SLC39A11: variants seen among roughly 807,000 people sequenced by gnomAD.
The protein encoded by SLC39A11 is zinc transporter ZIP11.
Under a neutral mutation model 36.1 loss-of-function variants are expected in SLC39A11, and 33 were observed. That is an observed-to-expected ratio of 0.91 (90% confidence interval 0.69 to 1.22). The LOEUF (loss-of-function observed/expected upper bound fraction) is 1.22. SLC39A11 is among the 50% of genes most tolerant of loss of function. SLC39A11 has a pLI of 0.00. For synonymous variants in SLC39A11, 166 were observed against 170.3 expected, an observed-to-expected ratio of 0.97 and a Z score of 0.20; for missense variants, 432 against 430.3, an observed-to-expected ratio of 1.00 and a Z score of -0.03.
intron 7 of SLC39A11, among the ~76,000 whole-genome samples, chr17:72,708,129 G>A (rs1288631193): frequency 6.6e-6 from 1 of 152,214 alleles, no homozygotes; most frequent in African/African-American, 2.4e-5. Context: ...CAATTCTCAT[G>A]TGTGATGGTT....
intron 6 of SLC39A11, among the ~76,000 whole-genome samples, chr17:72,798,418 C>T (rs2344569): frequency 0.6 from 84,374 of 141,774 alleles, 26,714 homozygotes; most frequent in Non-Finnish European, 0.73. Context: ...TTCTTTCTTT[C>T]TTTTTTTTTT....
intron 6 of SLC39A11, among the ~76,000 whole-genome samples, chr17:72,799,510 G>A (rs946465915): frequency 6.6e-6 from 1 of 152,104 alleles, no homozygotes; most frequent in African/African-American, 2.4e-5. Flanking sequence ...GGAAGATATT[G>A]CTAAATTCTT....
At chr17:72,716,402 G>A (rs1003900633) in intron 7 of SLC39A11, among the ~76,000 whole-genome samples, 1 of 151,642 alleles carries the variant, frequency 6.6e-6, no homozygotes, top group East Asian at 1.9e-4. Flanking sequence ...GCTGAGTAAC[G>A]TGTTTCCCGT....
chr17:72,739,353 C>T (rs1247125821), intron 6 of SLC39A11, among the ~76,000 whole-genome samples: 2 of 152,152 alleles, frequency 1.3e-5, no homozygotes, highest in African/African-American at 4.8e-5. Context: ...TCTTGAACTC[C>T]TGACCTCAAG....
At chr17:72,740,056 C>CTTTT (rs386386565) in intron 6 of SLC39A11, among the ~76,000 whole-genome samples, 18,656 of 80,266 alleles carry the variant, frequency 0.23, 2,861 homozygotes, top group Non-Finnish European at 0.25. Flanking sequence ...CTTTCCTTTT[C>CTTTT]TTTTTTTTTT....
At chr17:73,045,384 G>GT (rs1433068987) in intron 3 of SLC39A11, among the ~76,000 whole-genome samples, 36 of 26,938 alleles carry the variant, frequency 1.3e-3, no homozygotes, top group African/African-American at 3.0e-3. Context: ...TGAAAACAGA[G>GT]TTAAAAAAAA....
intron 5 of SLC39A11, among the ~76,000 whole-genome samples, chr17:72,868,468 T>C (rs2080421999): frequency 6.6e-6 from 1 of 151,554 alleles, no homozygotes; most frequent in Non-Finnish European, 1.5e-5. Flanking sequence ...ATAGCATCTA[T>C]CAAAAATGTG....
At position 72,647,197 on chromosome 17, in the gene SLC39A11, A is replaced by G. The variant is rs2069597780; in HGVS notation, c.*387T>C. 2.4e-5 allele frequency: 4 copies of G among 167,344 alleles called. No individual in the cohort carries two copies. In the South Asian group the frequency reaches 6.1e-4, roughly 26 times the overall value. The allele number at this position is 167,344 out of a possible 1,614,324, so 10.4% of individuals were successfully genotyped here. On this transcript the variant is annotated 3_prime_UTR_variant, in exon 10 of 10. Transcript: ENST00000255559. The stretch of plus-strand genomic sequence containing the variant: ...GCTGGCCACTCTGCCCTGAGTCACT[A>G]GGCCACCAAAATGCTTAGGAGACGT...
intron 7 of SLC39A11, among the ~76,000 whole-genome samples, chr17:72,690,371 C>G (rs949708221): frequency 6.6e-6 from 1 of 152,178 alleles, no homozygotes; most frequent in Non-Finnish European, 1.5e-5. Context: ...CCCCAAGGGG[C>G]TCCTGGCTCT....
intron 4 of SLC39A11, among the ~76,000 whole-genome samples, chr17:73,003,760 AT>A (rs1175755986): frequency 1.3e-5 from 2 of 152,080 alleles, no homozygotes; most frequent in Non-Finnish European, 2.9e-5. Flanking sequence ...ATCACTATAG[AT>A]TTCACAACTC....
chr17:72,729,428 TATATATATATA>T (rs2074087684), intron 7 of SLC39A11, among the ~76,000 whole-genome samples: 6 of 5,282 alleles, frequency 1.1e-3, no homozygotes, highest in African/African-American at 1.9e-3. Context: ...TATATATATA[TATATATATATA>T]TATATATATA....
chr17:72,959,323 G>GTATATATATATATA (rs766454318), intron 4 of SLC39A11, among the ~76,000 whole-genome samples: 68 of 81,412 alleles, frequency 8.4e-4, no homozygotes, highest in Non-Finnish European at 1.4e-3. Flanking sequence ...GTGTGTGTGT[G>GTATATATATATATA]TGTATATATA....
At chr17:72,889,313 G>A (rs1436082827) in intron 5 of SLC39A11, among the ~76,000 whole-genome samples, 1 of 152,086 alleles carries the variant, frequency 6.6e-6, no homozygotes, top group Non-Finnish European at 1.5e-5. Context: ...TCAGGAGTTT[G>A]AGACCAGCCT....
chr17:72,888,256 C>T (rs952362752), intron 5 of SLC39A11, among the ~76,000 whole-genome samples: 1 of 152,162 alleles, frequency 6.6e-6, no homozygotes, highest in African/African-American at 2.4e-5. Flanking sequence ...TTATAAGAAG[C>T]TTGAAGATGT....
At chr17:73,004,386 T>C (rs1166496355) in intron 4 of SLC39A11, among the ~76,000 whole-genome samples, 2 of 152,178 alleles carry the variant, frequency 1.3e-5, no homozygotes, top group Non-Finnish European at 2.9e-5. Flanking sequence ...GAGGGCCGTC[T>C]TCTTGCCGTG....
At chr17:72,754,664 C>T (rs1305368832) in intron 6 of SLC39A11, among the ~76,000 whole-genome samples, 4 of 152,158 alleles carry the variant, frequency 2.6e-5, no homozygotes, top group African/African-American at 9.6e-5. Flanking sequence ...CCAGGGGTGC[C>T]GGGCCGCAGC....
intron 5 of SLC39A11, among the ~76,000 whole-genome samples, chr17:72,881,472 G>C (rs2081193554): frequency 6.6e-6 from 1 of 152,042 alleles, no homozygotes. Flanking sequence ...AAAAATTCTG[G>C]GTTAAATAAT....
At chr17:72,709,218 G>A (rs1215421565) in intron 7 of SLC39A11, among the ~76,000 whole-genome samples, 6 of 152,148 alleles carry the variant, frequency 3.9e-5, no homozygotes, top group Admixed American at 6.6e-5. Context: ...GATTACAGGC[G>A]TGAGCCACCG....
Position 73,084,860 on chromosome 17 carries a change from C to T in SLC39A11, c.109-14G>A, listed in dbSNP as rs570263339. On this transcript the variant is annotated splice_polypyrimidine_tract_variant and intron_variant, in intron 2 of 9. Transcript: ENST00000255559. ...TAAGATCCGCCTCTGAAAATCAAAA[C>T]AAGATGTTTCAGTTTCCAAGAGACA... 3.7e-6 allele frequency: 6 copies of T among 1,613,926 alleles called. No individual in the cohort carries two copies. The East Asian group carries it at 1.3e-4, about 36-fold the overall frequency.
Sources: allele counts gnomAD v4.1 joint callset (sites outside exome capture counted in the v4.1 genomes callset), GRCh38; gene constraint gnomAD v4.1.1; transcripts MANE v1.5; gene names NCBI Gene and HGNC (gene_info 2026-07-23, HGNC 2026-07-21).